Variants in ZDHHC14 observed in about 807,000 individuals in gnomAD.
ZDHHC14 encodes palmitoyltransferase ZDHHC14.
A neutral mutation model predicts 47.7 loss-of-function variants in ZDHHC14; 16 were observed. The observed-to-expected ratio is 0.34, with a 90% CI of 0.23 to 0.51. The LOEUF (loss-of-function observed/expected upper bound fraction) is 0.51. Among genes scored for constraint, ZDHHC14 ranks in the 20% least tolerant of loss-of-function variants. ZDHHC14 has a pLI of 0.97. For synonymous variants in ZDHHC14, 293 were observed against 278.9 expected (o/e 1.05, Z -0.50); for missense variants, 515 against 662.5 (o/e 0.78, Z 2.44).
intron 1 of ZDHHC14, among the ~76,000 whole-genome samples, chr6:157,522,971 T>TTC (rs1562461041): frequency 4.4e-4 from 16 of 36,132 alleles, no homozygotes; most frequent in African/African-American, 2.5e-3. Flanking sequence ...CTTTCTTTTC[T>TTC]TTTCTTTTCT....
At chr6:157,415,022 A>G (rs933220198) in intron 1 of ZDHHC14, among the ~76,000 whole-genome samples, 1 of 152,042 alleles carries the variant, frequency 6.6e-6, no homozygotes, top group African/African-American at 2.4e-5. Flanking sequence ...CAAGGACTTA[A>G]TGGACCACAC....
chr6:157,657,046 G>A (rs1224710955), intron 8 of ZDHHC14, among the ~76,000 whole-genome samples: 2 of 128,400 alleles, frequency 1.6e-5, no homozygotes, highest in Non-Finnish European at 3.4e-5. Context: ...CACACAAAGG[G>A]TATTTGTATT....
intron 1 of ZDHHC14, among the ~76,000 whole-genome samples, chr6:157,504,271 G>A (rs1266699188): frequency 7.3e-5 from 11 of 150,740 alleles, no homozygotes; most frequent in African/African-American, 1.9e-4. Flanking sequence ...GCAGTGGCGC[G>A]ATCTCAGCTC....
intron 8 of ZDHHC14, among the ~76,000 whole-genome samples, chr6:157,663,589 C>T (rs16900309): frequency 0.11 from 16,264 of 152,250 alleles, 1,188 homozygotes; most frequent in Admixed American, 0.21. Flanking sequence ...GTACATTTAC[C>T]GGCCATTCAG....
intron 1 of ZDHHC14, among the ~76,000 whole-genome samples, chr6:157,458,294 G>T (rs1778977846): frequency 6.6e-6 from 1 of 152,044 alleles, no homozygotes; most frequent in Non-Finnish European, 1.5e-5. Context: ...GCTTTAATTA[G>T]ACCCTAATAG....
At chr6:157,520,439 A>G (rs1166068948) in intron 1 of ZDHHC14, among the ~76,000 whole-genome samples, 1 of 152,226 alleles carries the variant, frequency 6.6e-6, no homozygotes, top group African/African-American at 2.4e-5. Context: ...TGGTGTTTCC[A>G]AAACGTAAGT....
At chr6:157,501,196 G>C (rs1273761150) in intron 1 of ZDHHC14, among the ~76,000 whole-genome samples, 3 of 152,098 alleles carry the variant, frequency 2.0e-5, no homozygotes, top group Admixed American at 1.3e-4. Flanking sequence ...TTGGATTTCT[G>C]GTTTCCTTTT....
intron 1 of ZDHHC14, among the ~76,000 whole-genome samples, chr6:157,489,018 G>C (rs951218834): frequency 6.6e-6 from 1 of 152,222 alleles, no homozygotes; most frequent in Non-Finnish European, 1.5e-5. Context: ...ATGCTGTGCG[G>C]TTTGTTTACT....
At chr6:157,439,815 A>T (rs967684778) in intron 1 of ZDHHC14, among the ~76,000 whole-genome samples, 15 of 152,244 alleles carry the variant, frequency 9.9e-5, no homozygotes, top group Admixed American at 8.5e-4. Flanking sequence ...TATACCATGG[A>T]ATACTATGCT....
At position 157,582,443 on chromosome 6, in the gene ZDHHC14, C is replaced by T. The variant is rs1783550295; in HGVS notation, c.407-10545C>T. On this transcript the variant is annotated intron_variant, in intron 2 of 8. Transcript: ENST00000359775. This position sits in a 1 kb window ranked among gnomAD's most constrained non-coding sequence, Gnocchi z 4.3. ...AAGGTAGGTCTGGTGGCAAGGAATTCCTCAACATTTGCTTTGAAAAAGATC... is the reference window on the plus strand; with the variant it reads ...AAGGTAGGTCTGGTGGCAAGGAATTTCTCAACATTTGCTTTGAAAAAGATC... Among the ~76,000 whole-genome samples the T allele has an allele frequency of 1.3e-5, 2 of 152,146 alleles. No homozygotes were observed. The highest frequency in any genetic ancestry group is 4.8e-5 in the African/African-American group (2 of 41,430).
rs1406040548 is a variant in ZDHHC14, at chr6:157,641,825, A to G, written c.753-3912A>G. Among the ~76,000 whole-genome samples, 5 of 152,164 alleles carry G rather than the reference A, an allele frequency of 3.3e-5. No individual in the cohort carries two copies. In the East Asian group the frequency reaches 5.8e-4, roughly 18 times the overall value. ...TTTCTTACGTTTGGTGCAGTAATTT[A>G]TCTATCAGATAATTTTGTGGATGTG... On this transcript the variant is annotated intron_variant, in intron 5 of 8. Coordinates refer to ENST00000359775, the MANE Select transcript of ZDHHC14 (RefSeq NM_024630.3).
chr6:157,519,726 A>G (rs1175669261), intron 1 of ZDHHC14, among the ~76,000 whole-genome samples: 1 of 152,216 alleles, frequency 6.6e-6, no homozygotes, highest in Non-Finnish European at 1.5e-5. Context: ...CTTCCTCTGC[A>G]AAACGAAAGG....
rs1778240094 is a variant in ZDHHC14 at position 157,427,159 on chromosome 6, G to T, written c.245+44893G>T. ...AAGGCTCAGGCGTAGACCTGGAGGG[G>T]CATCGGGCCTGGGAGCACAGGAGGA... On this transcript the variant is annotated intron_variant, in intron 1 of 8. Transcript: ENST00000359775. The surrounding 1 kb of genome is among the most constrained non-coding windows in gnomAD (Gnocchi z 4.4). 2.6e-5 allele frequency among the ~76,000 whole-genome samples: 4 copies of T among 152,098 alleles called. No individual in the cohort carries two copies. Among genetic ancestry groups the T allele is most frequent in the Admixed American group, 2.6e-4 (4 of 15,276 alleles).
At chr6:157,609,265 C>G (rs900473133) in intron 3 of ZDHHC14, among the ~76,000 whole-genome samples, 13 of 152,154 alleles carry the variant, frequency 8.5e-5, no homozygotes, top group Admixed American at 2.0e-4. Context: ...AAAAGGTGCG[C>G]ACCTGGAGGG....
intron 2 of ZDHHC14, among the ~76,000 whole-genome samples, chr6:157,549,864 G>A (rs374715911): frequency 6.6e-6 from 1 of 152,202 alleles, no homozygotes; most frequent in Non-Finnish European, 1.5e-5. Flanking sequence ...ATCCAAACTT[G>A]TGGGAATGTA....
intron 1 of ZDHHC14, among the ~76,000 whole-genome samples, chr6:157,508,366 T>C (rs1378565344): frequency 1.3e-5 from 2 of 152,176 alleles, no homozygotes; most frequent in Non-Finnish European, 2.9e-5. Context: ...TGGATATTGA[T>C]GTGTTGTATT....
At chr6:157,547,791 A>G (rs1782039119) in intron 2 of ZDHHC14, among the ~76,000 whole-genome samples, 1 of 148,678 alleles carries the variant, frequency 6.7e-6, no homozygotes, top group African/African-American at 2.5e-5. Context: ...GAAAGCTGCC[A>G]TTATGAATTT....
At chr6:157,628,319 CTT>C (rs66974557) in intron 3 of ZDHHC14, 28 bp from the exon 4 acceptor site, 211 of 1,438,242 alleles carry the variant, frequency 1.5e-4, no homozygotes, top group African/African-American at 1.3e-3. Flanking sequence ...TTGATTTCCA[CTT>C]TTTTTTTTTT....
intron 1 of ZDHHC14, among the ~76,000 whole-genome samples, chr6:157,429,042 G>A (rs900173137): frequency 7.2e-5 from 11 of 152,200 alleles, no homozygotes. Context: ...ACTGGAACCT[G>A]CAAGTCTGAG....
Sources: allele counts gnomAD v4.1 joint callset (sites outside exome capture counted in the v4.1 genomes callset), GRCh38; gene constraint gnomAD v4.1.1; non-coding constraint Gnocchi (gnomAD v3.1); transcripts MANE v1.5; gene names NCBI Gene and HGNC (gene_info 2026-07-23, HGNC 2026-07-21).